The following COL13A1 variants were observed in gnomAD, a reference collection of about 807,000 sequenced individuals.
COL13A1 encodes collagen type XIII alpha 1 chain, also known as collagen alpha-1(XIII) chain.
Under a neutral mutation model 130.9 loss-of-function variants are expected in COL13A1, and 89 were observed. That is an observed-to-expected ratio of 0.68 (90% CI 0.57 to 0.81). The LOEUF (loss-of-function observed/expected upper bound fraction) is 0.81. Ranked by LOEUF, COL13A1 falls within the 30% of genes least tolerant of loss-of-function variation. The probability of loss-of-function intolerance (pLI) is 0.00; values close to 1 mark genes in which losing one functional copy is unlikely to be tolerated. For synonymous variants in COL13A1, 402 were observed against 341.6 expected, an observed-to-expected ratio of 1.18 and a Z score of -1.95; for missense variants, 879 against 934.6, an observed-to-expected ratio of 0.94 and a Z score of 0.78.
chr10:69,919,912 C>T (rs1254286492), intron 21 of COL13A1, among the ~76,000 whole-genome samples, 185 bp downstream of exon 21: 1 of 152,220 alleles, frequency 6.6e-6, no homozygotes, highest in Non-Finnish European at 1.5e-5. Flanking sequence ...AGCACACCCA[C>T]TCTCCTGGGC....
chr10:69,891,571 G>A (rs914316265), intron 10 of COL13A1, among the ~76,000 whole-genome samples: 11 of 152,090 alleles, frequency 7.2e-5, no homozygotes, highest in African/African-American at 2.2e-4. Context: ...ATTTCCCCCC[G>A]CCCCTACCCC....
At chr10:69,833,931 G>A (rs1849413367) in intron 2 of COL13A1, among the ~76,000 whole-genome samples, 1 of 152,104 alleles carries the variant, frequency 6.6e-6, no homozygotes, top group Non-Finnish European at 1.5e-5. Context: ...CTATTTGGTG[G>A]GTAGCAGGAA....
chr10:69,822,418 C>A lies in COL13A1; in HGVS notation c.344C>A (p.Pro115Gln). The change falls in exon 2 of 41, where the codon CCA becomes CAA. Residue 115 changes from proline (P) to glutamine (Q), a missense_variant. This residue lies in a region of COL13A1 where 715 missense variants were observed against 721.0 expected (regional missense o/e 0.99). Transcript: ENST00000645393. ...RRRREAPKTSPGCNCPPGPPG... is the reference protein window; with the variant it reads ...RRRREAPKTSQGCNCPPGPPG... Reference sequence around the variant, plus strand: ...CGCCGGGAGGCCCCAAAGACATCTCCAGGATGTAACTGCCCACCAGGTAAG... The same window carrying A: ...CGCCGGGAGGCCCCAAAGACATCTCAAGGATGTAACTGCCCACCAGGTAAG... The A allele has an allele frequency of 6.3e-7, 1 of 1,593,910 alleles. No individual in the cohort carries two copies. The highest frequency in any genetic ancestry group is 8.5e-7 in the Non-Finnish European group (1 of 1,170,518).
At chr10:69,873,333 T>C (rs1049179949) in intron 4 of COL13A1, among the ~76,000 whole-genome samples, 2 of 152,290 alleles carry the variant, frequency 1.3e-5, no homozygotes, top group Admixed American at 6.5e-5. Flanking sequence ...GGGGGAATGT[T>C]CAGACTTGCA....
chr10:69,895,725 G>C, intron 13 of COL13A1, 149 bp downstream of exon 13: 2 of 866,352 alleles, frequency 2.3e-6, no homozygotes, highest in Non-Finnish European at 3.7e-6. Flanking sequence ...AGCAGTCAGA[G>C]AGGGGAGCTT....
chr10:69,901,538 G>A (rs1301007286), intron 14 of COL13A1, among the ~76,000 whole-genome samples: 1 of 152,168 alleles, frequency 6.6e-6, no homozygotes, highest in Admixed American at 6.5e-5. Flanking sequence ...TGAGAAAGGT[G>A]GGCCGGCCTG....
chr10:69,922,053 G>A, intron 22 of COL13A1, 118 bp downstream of exon 22: 3 of 1,307,674 alleles, frequency 2.3e-6, no homozygotes, highest in Admixed American at 2.7e-5. Flanking sequence ...CTGCAGGAAA[G>A]GCAGCTGGAA....
chr10:69,848,244 G>A lies in COL13A1; in HGVS notation c.365-19554G>A, dbSNP rs1193498331. ...AAGCAGTCCAACTGAGGTTGCTGGC[G>A]AAGTGTGAGCAAGCTACCGGCCTGA... On this transcript the variant is annotated intron_variant, in intron 2 of 40. Coordinates refer to ENST00000645393, the MANE Select transcript of COL13A1 (RefSeq NM_001368882.1). Among the ~76,000 whole-genome samples, 8 of 152,318 alleles carry A rather than the reference G, an allele frequency of 5.3e-5. No homozygotes were observed. In the East Asian group the frequency reaches 5.8e-4, roughly 11 times the overall value.
chr10:69,864,222 T>C (rs1859122558), intron 2 of COL13A1, among the ~76,000 whole-genome samples: 1 of 152,198 alleles, frequency 6.6e-6, no homozygotes, highest in East Asian at 1.9e-4. Context: ...TAATGCCAAC[T>C]TCACAAGGTT....
chr10:69,956,903 A>G, intron 39 of COL13A1, 101 bp from the exon 40 acceptor site: 3 of 873,208 alleles, frequency 3.4e-6, no homozygotes, highest in Non-Finnish European at 3.9e-6. Flanking sequence ...CCACATCCTG[A>G]TCAGCTGCCA....
chr10:69,928,917 G>T lies in COL13A1; in HGVS notation c.1423-20G>T, dbSNP rs1220665004. 1 of 1,606,128 alleles carries T rather than the reference G, an allele frequency of 6.2e-7. No homozygotes were observed. The highest frequency in any genetic ancestry group is 8.5e-7 in the Non-Finnish European group (1 of 1,173,596). On this transcript the variant is annotated intron_variant, in intron 27 of 40. Coordinates refer to ENST00000645393, the MANE Select transcript of COL13A1 (RefSeq NM_001368882.1). ...CCTCCATGGGACAGTTCTTCCATGTGTCTTTCCTTTCTCTCCTAGGGGCCT... is the reference window on the plus strand; with the variant it reads ...CCTCCATGGGACAGTTCTTCCATGTTTCTTTCCTTTCTCTCCTAGGGGCCT...
chr10:69,821,185 T>C (rs927909034), intron 1 of COL13A1, among the ~76,000 whole-genome samples: 8 of 152,174 alleles, frequency 5.3e-5, no homozygotes, highest in East Asian at 1.9e-4. Context: ...TCAAGAGAAA[T>C]TACAAATGCA....
intron 2 of COL13A1, among the ~76,000 whole-genome samples, chr10:69,830,998 G>A (rs1848691452): frequency 6.6e-6 from 1 of 152,176 alleles, no homozygotes; most frequent in African/African-American, 2.4e-5. Flanking sequence ...GTTGTAGCAT[G>A]TATCAGTACT....
At chr10:69,931,475 T>G (rs1373512097) in intron 30 of COL13A1, among the ~76,000 whole-genome samples, 1 of 152,198 alleles carries the variant, frequency 6.6e-6, no homozygotes, top group South Asian at 2.1e-4. Flanking sequence ...GCTCACGGTA[T>G]GATGGCCTCT....
chr10:69,908,764 G>T (rs1214510711), intron 17 of COL13A1, among the ~76,000 whole-genome samples: 1 of 152,196 alleles, frequency 6.6e-6, no homozygotes, highest in East Asian at 1.9e-4. Context: ...CTCCTGATGG[G>T]GGAGCACTTC....
intron 13 of COL13A1, among the ~76,000 whole-genome samples, chr10:69,897,125 A>G (rs3812702): frequency 0.39 from 58,731 of 151,866 alleles, 12,260 homozygotes; most frequent in East Asian, 0.8. Flanking sequence ...CACAGGGTGC[A>G]GTGAAGCCTG....
chr10:69,846,367 C>T (rs1261676785), intron 2 of COL13A1, among the ~76,000 whole-genome samples: 1 of 152,036 alleles, frequency 6.6e-6, no homozygotes, highest in African/African-American at 2.4e-5. Flanking sequence ...TGGACATAAC[C>T]CGAGCTGGGG....
chr10:69,925,761 C>T, intron 25 of COL13A1, 43 bp from the exon 26 acceptor site: 5 of 1,515,746 alleles, frequency 3.3e-6, no homozygotes, highest in South Asian at 1.2e-5. Context: ...CCTCCCGGCC[C>T]TCCCGGTCCA....
At chr10:69,877,690 C>CTG (rs1191264511) in intron 5 of COL13A1, 30 of 119,622 alleles carry the variant, frequency 2.5e-4, no homozygotes, top group Admixed American at 1.5e-3. Context: ...CTCTCTCTCT[C>CTG]TCTCTCTCTC....
Sources: gnomAD v4.1 joint callset for allele counts (sites outside exome capture counted in the v4.1 genomes callset) on GRCh38, gnomAD v4.1.1 for gene constraint, gnomAD v4.1.1 regional missense constraint, MANE v1.5 for transcripts, NCBI Gene and HGNC (gene_info 2026-07-23, HGNC 2026-07-21) for gene names.